RHPN1: variants seen among roughly 807,000 people sequenced by gnomAD.
RHPN1 encodes the protein rhophilin-1.
In RHPN1, 77 loss-of-function variants were observed where a neutral mutation model predicts 74.7. The ratio of observed to expected loss-of-function variants is 1.03; its 90% CI spans 0.86 to 1.25. The LOEUF (loss-of-function observed/expected upper bound fraction) is 1.25, where lower values mean the gene tolerates loss of function less well. Ranked by LOEUF, RHPN1 falls within the 50% of genes most tolerant of loss-of-function variation. The pLI is 0.00. For missense variants in RHPN1, 987 were observed against 932.2 expected, an observed-to-expected ratio of 1.06 and a Z score of -0.77; for synonymous variants, 444 against 414.5, an observed-to-expected ratio of 1.07 and a Z score of -0.87.
chr8:143,367,178 C>T (rs1235051051), upstream of RHPN1: 3 of 152,144 alleles, frequency 2.0e-5, no homozygotes, highest in Non-Finnish European at 4.4e-5. Flanking sequence ...ACTTCAAGGG[C>T]CCCAAAAGGC....
chr8:143,377,572 G>A (rs1818367212), intron 4 of RHPN1, 117 bp downstream of exon 4: 2 of 708,250 alleles, frequency 2.8e-6, no homozygotes, highest in Non-Finnish European at 4.7e-6. Context: ...AGGCCCAGAG[G>A]GAGGGAGGCT....
At chr8:143,375,002 G>T (rs538420180) in intron 1 of RHPN1, among the ~76,000 whole-genome samples, 1 of 152,306 alleles carries the variant, frequency 6.6e-6, no homozygotes, top group South Asian at 2.1e-4. Context: ...AAGTCAGACC[G>T]CAGCCTCTGC....
chr8:143,369,195 C>T (rs374873371), intron 1 of RHPN1, 148 bp downstream of exon 1: 2 of 573,304 alleles, frequency 3.5e-6, no homozygotes, highest in Non-Finnish European at 5.7e-6. Context: ...GCCTGCGTCC[C>T]TCCTCCTCTG....
In RHPN1 at chr8:143,378,822, T is replaced by C; in HGVS notation, c.584+2T>C. 6.4e-7 allele frequency: 1 copy of C among 1,564,870 alleles called. No individual in the cohort carries two copies. The highest frequency in any genetic ancestry group is 8.7e-7 in the Non-Finnish European group (1 of 1,155,102). On this transcript the variant is annotated splice_donor_variant, in intron 6 of 14. Transcript: ENST00000289013. LOFTEE classifies it high-confidence loss of function. Reference sequence around the variant, plus strand: ...GAGCCTCGGGCTCTTCTTCCACTGGTAGGGGCTCTGCGGGCGGAGGCACCC... The same window carrying C: ...GAGCCTCGGGCTCTTCTTCCACTGGCAGGGGCTCTGCGGGCGGAGGCACCC...
rs771787697 is a variant in RHPN1, at chr8:143,376,657, C to T, written c.305+4C>T. 1.9e-5 allele frequency: 29 copies of T among 1,560,344 alleles called. No individual in the cohort carries two copies. In the East Asian group the frequency reaches 5.3e-4, roughly 29 times the overall value. On this transcript the variant is annotated splice_donor_region_variant and intron_variant, in intron 3 of 14. Transcript: ENST00000289013. ...TGGACCCTGGCCGGCATGGGAGGTG[C>T]GGGTGGGGGCCGGGACAGCACGTGC...
In RHPN1 at chr8:143,378,778, G is replaced by A. The variant is rs1818470613; in HGVS notation, c.542G>A (p.Arg181His). The A allele has an allele frequency of 6.4e-7, 1 of 1,571,138 alleles. No individual in the cohort carries two copies. Among genetic ancestry groups the A allele is most frequent in the South Asian group, 1.2e-5 (1 of 85,702 alleles). The change falls in exon 6 of 15, where the codon CGC becomes CAC. Residue 181 changes from arginine (R) to histidine (H), a missense_variant. Coordinates refer to ENST00000289013, the MANE Select transcript of RHPN1 (RefSeq NM_052924.3). ...YYNQLCFLDA[R>H]FLTPARSLGL... Reference sequence around the variant, plus strand: ...AACCAGCTGTGCTTCCTGGATGCGCGCTTCCTCACCCCTGCCAGGAGCCTC... The same window carrying A: ...AACCAGCTGTGCTTCCTGGATGCGCACTTCCTCACCCCTGCCAGGAGCCTC...
At chr8:143,376,767 TGTGTGTGC>T (rs890887006) in intron 3 of RHPN1, 114 bp downstream of exon 3, 16 of 1,221,314 alleles carry the variant, frequency 1.3e-5, no homozygotes, top group Admixed American at 1.1e-4. Context: ...GCATTGTCTG[TGTGTGTGC>T]GTGTGTGCAT....
At chr8:143,364,367 G>A (rs1419076872), upstream of RHPN1, among the ~76,000 whole-genome samples, 4 of 144,590 alleles carry the variant, frequency 2.8e-5, no homozygotes, top group African/African-American at 1.0e-4. This position sits in a 1 kb window ranked among gnomAD's most constrained non-coding sequence, Gnocchi z 4.5. Context: ...TCAGCACCCA[G>A]GAGGGACATG....
intron 1 of RHPN1, among the ~76,000 whole-genome samples, chr8:143,369,370 C>T (rs1327903274): frequency 6.6e-6 from 1 of 152,210 alleles, no homozygotes; most frequent in Non-Finnish European, 1.5e-5. Flanking sequence ...CCCACACCCG[C>T]CATCGTGTTC....
At position 143,376,521 on chromosome 8, in the gene RHPN1, T is replaced by G. The variant is rs1818228558; in HGVS notation, c.177-4T>G. 6.2e-7 allele frequency: 1 copy of G among 1,611,882 alleles called. No homozygotes were observed. Among genetic ancestry groups the G allele is most frequent in the African/African-American group, 1.3e-5 (1 of 74,912 alleles). On this transcript the variant is annotated splice_region_variant and splice_polypyrimidine_tract_variant and intron_variant, in intron 2 of 14. Coordinates refer to ENST00000289013, the MANE Select transcript of RHPN1 (RefSeq NM_052924.3). ...GGGCTTTCAACTGCCGCGGCCTCCC[T>G]CAGAGCCACCAGCAACAACCGGGTG...
Position 143,382,466 on chromosome 8 carries a change from A to G in RHPN1, c.1828A>G (p.Arg610Gly). 3.1e-6 allele frequency: 5 copies of G among 1,588,780 alleles called. No homozygotes were observed. The highest frequency in any genetic ancestry group is 1.8e-5 in the Admixed American group (1 of 56,088). ...CCGCCGGCCCGTCCTGCTGGGCCCC[A>G]GGGGGCTTCTAAGGAGCCAGAGGGA... ...GDRRPVLLGP[R>G]GLLRSQREHG... The change falls in exon 15 of 15, where the codon AGG (arginine) becomes GGG (glycine). Residue 610 changes from arginine (R) to glycine (G), a missense_variant. Physicochemically the swap from Arg to Gly is moderately radical, Grantham distance 125. Transcript: ENST00000289013.
rs529315730 is a variant in RHPN1 at position 143,378,235 on chromosome 8, G to A, written c.382-34G>A. 45 of 1,531,694 alleles carry A rather than the reference G, an allele frequency of 2.9e-5. No homozygotes were observed. The South Asian group carries it at 5.3e-4, about 18-fold the overall frequency. The allele number at this position is 1,531,694 out of a possible 1,614,324, so 94.9% of individuals were successfully genotyped here. On this transcript the variant is annotated intron_variant, in intron 4 of 14. Coordinates refer to ENST00000289013, the MANE Select transcript of RHPN1 (RefSeq NM_052924.3). ...CTCAGGGAAGGAGGCCAGGCACAGGGGTACTGTGGATGCCAACACCTGCCC... is the reference window on the plus strand; with the variant it reads ...CTCAGGGAAGGAGGCCAGGCACAGGAGTACTGTGGATGCCAACACCTGCCC...
Position 143,381,688 on chromosome 8 carries a change from C to A in RHPN1, c.1605C>A (p.Ile535=). ...LTLRGDSPVL[I]AAVIPGSQAA... ...TTCGGGGAGACTCGCCTGTCCTCAT[C>A]GCTGCCGTCATTCCAGGGAGCCAGG... The change falls in exon 13 of 15, where the codon ATC becomes ATA. Residue 535 remains isoleucine (I), a synonymous_variant. Coordinates refer to ENST00000289013, the MANE Select transcript of RHPN1 (RefSeq NM_052924.3). The A allele has an allele frequency of 6.2e-7, 1 of 1,611,456 alleles. No homozygotes were observed.
intron 3 of RHPN1, among the ~76,000 whole-genome samples, chr8:143,376,866 G>A (rs879553925): frequency 0.23 from 763 of 3,354 alleles, 3 homozygotes; most frequent in East Asian, 0.34. Flanking sequence ...GTCTCTGTGT[G>A]TATATGTGTG....
intron 4 of RHPN1, among the ~76,000 whole-genome samples, chr8:143,377,777 G>GCT (rs774174628): frequency 2.4e-4 from 36 of 152,320 alleles, no homozygotes; most frequent in Admixed American, 5.9e-4. Flanking sequence ...CAGGGTACAG[G>GCT]CTCGCCCATG....
At chr8:143,369,609 G>A (rs1160522724) in intron 1 of RHPN1, among the ~76,000 whole-genome samples, 3 of 152,218 alleles carry the variant, frequency 2.0e-5, no homozygotes, top group African/African-American at 7.2e-5. Context: ...GGTGGGCAGG[G>A]CTGTGGAGAC....
intron 1 of RHPN1, among the ~76,000 whole-genome samples, chr8:143,374,888 T>A (rs543238570): frequency 6.6e-6 from 1 of 152,356 alleles, no homozygotes; most frequent in Admixed American, 6.5e-5. Context: ...CCATGGCTGG[T>A]GCTGGGCAGG....
rs770950808 is a variant in RHPN1 at position 143,382,529 on chromosome 8, C to G, written c.1891C>G (p.Pro631Ala). The G allele has an allele frequency of 1.2e-6, 2 of 1,610,588 alleles. No homozygotes were observed. Among genetic ancestry groups the G allele is most frequent in the Non-Finnish European group, 8.5e-7 (1 of 1,179,072 alleles). The change falls in exon 15 of 15, where the codon CCC (proline) becomes GCC (alanine). Residue 631 changes from proline to alanine, a missense_variant. By Grantham distance (27) the Pro-to-Ala change is conservative. Transcript: ENST00000289013. ...CKTPASTWAS[P>A]RPLLNWSRKA... ...GACCCCGGCATCCACGTGGGCCAGT[C>G]CCCGGCCCCTCCTCAACTGGAGCCG... is the stretch of plus-strand genomic sequence containing the variant.
upstream of RHPN1, chr8:143,368,599 A>G (rs545085510): frequency 1.3e-5 from 2 of 159,378 alleles, no homozygotes; most frequent in African/African-American, 4.8e-5. Flanking sequence ...CTTCTCCCGC[A>G]CGCTCAGCGG....
Sources: allele counts gnomAD v4.1 joint callset (sites outside exome capture counted in the v4.1 genomes callset), GRCh38; gene constraint gnomAD v4.1.1; non-coding constraint Gnocchi (gnomAD v3.1); transcripts MANE v1.5; gene names NCBI Gene and HGNC (gene_info 2026-07-23, HGNC 2026-07-21).